C7orf78: variants seen among roughly 807,000 people sequenced by gnomAD.
C7orf78 encodes the protein chromosome 7 open reading frame 78.
the C7orf78 span, among the ~76,000 whole-genome samples, chr7:12,511,946 T>G: frequency 2.3e-5 from 3 of 131,600 alleles, no homozygotes; most frequent in African/African-American, 5.5e-5. Context: ...TTTTTTTTTT[T>G]TTGTATTTTC....
the C7orf78 span, among the ~76,000 whole-genome samples, chr7:12,535,942 T>C: frequency 2.6e-5 from 4 of 152,238 alleles, no homozygotes; most frequent in Non-Finnish European, 5.9e-5. Flanking sequence ...TCCACTCCTG[T>C]GGCTTTGCAG....
the C7orf78 span, among the ~76,000 whole-genome samples, chr7:12,527,641 G>C: frequency 1.2e-4 from 16 of 134,242 alleles, no homozygotes; most frequent in African/African-American, 4.7e-4. Context: ...AATTGAAATG[G>C]AACATGTCAG....
chr7:12,501,318 A>G, the C7orf78 span, among the ~76,000 whole-genome samples: 5 of 147,142 alleles, frequency 3.4e-5, no homozygotes, highest in Non-Finnish European at 7.5e-5. Context: ...ACATGATTGT[A>G]TATCTAGAAA....
At chr7:12,493,967 G>C in the C7orf78 span, among the ~76,000 whole-genome samples, 16 of 152,166 alleles carry the variant, frequency 1.1e-4, no homozygotes, top group Admixed American at 2.0e-4. Flanking sequence ...TAGTACTTGA[G>C]AAAAAGAGGT....
At chr7:12,505,652 CT>C in the C7orf78 span, among the ~76,000 whole-genome samples, 3 of 152,152 alleles carry the variant, frequency 2.0e-5, no homozygotes, top group Non-Finnish European at 4.4e-5. Context: ...GCAACATTTA[CT>C]ATTAAATCTT....
At chr7:12,494,145 G>A in the C7orf78 span, among the ~76,000 whole-genome samples, 5 of 152,158 alleles carry the variant, frequency 3.3e-5, no homozygotes, top group African/African-American at 2.4e-5. Flanking sequence ...GCATCTTAGG[G>A]TGGGAGTGGA....
chr7:12,496,801 T>A, the C7orf78 span, among the ~76,000 whole-genome samples: 2 of 152,170 alleles, frequency 1.3e-5, no homozygotes, highest in Non-Finnish European at 2.9e-5. Context: ...CAAAAAACAA[T>A]GAGGCATAAA....
At chr7:12,495,111 C>A in the C7orf78 span, among the ~76,000 whole-genome samples, 1 of 152,156 alleles carries the variant, frequency 6.6e-6, no homozygotes, top group African/African-American at 2.4e-5. Flanking sequence ...AAAATGTTCA[C>A]CCACCATGTG....
chr7:12,539,116 A>C, the C7orf78 span, among the ~76,000 whole-genome samples: 1 of 152,176 alleles, frequency 6.6e-6, no homozygotes, highest in African/African-American at 2.4e-5. Context: ...CAGAAATCAG[A>C]AATGGGTATT....
chr7:12,505,430 A>C, the C7orf78 span, among the ~76,000 whole-genome samples: 1 of 152,134 alleles, frequency 6.6e-6, no homozygotes, highest in Non-Finnish European at 1.5e-5. Flanking sequence ...GTTAAAATGA[A>C]GATTTGAACT....
the C7orf78 span, among the ~76,000 whole-genome samples, chr7:12,497,562 T>C: frequency 1.3e-5 from 2 of 152,300 alleles, no homozygotes; most frequent in East Asian, 3.9e-4. Flanking sequence ...GATTATACCC[T>C]GCACCCGGCT....
the C7orf78 span, among the ~76,000 whole-genome samples, chr7:12,518,542 A>G: frequency 1.3e-5 from 2 of 152,102 alleles, no homozygotes; most frequent in Non-Finnish European, 2.9e-5. Context: ...GAGCTCCTAG[A>G]TGGCACATGT....
At chr7:12,508,849 G>C in the C7orf78 span, among the ~76,000 whole-genome samples, 1 of 152,186 alleles carries the variant, frequency 6.6e-6, no homozygotes, top group African/African-American at 2.4e-5. Flanking sequence ...CTCCTTATGA[G>C]AATCAAATGC....
chr7:12,496,312 G>A, the C7orf78 span: 5 of 152,254 alleles, frequency 3.3e-5, no homozygotes, highest in African/African-American at 1.2e-4. Context: ...GGAGACTTTT[G>A]GATGGTTCTA....
the C7orf78 span, among the ~76,000 whole-genome samples, chr7:12,540,078 G>A: frequency 6.6e-6 from 1 of 152,186 alleles, no homozygotes; most frequent in Non-Finnish European, 1.5e-5. Context: ...ATGGAACATA[G>A]GAGTTTATAT....
the C7orf78 span, among the ~76,000 whole-genome samples, chr7:12,539,844 G>T: frequency 2.0e-5 from 3 of 152,180 alleles, no homozygotes; most frequent in African/African-American, 7.2e-5. Context: ...CTAGGGAGAG[G>T]CAAGGATGCA....
the C7orf78 span, among the ~76,000 whole-genome samples, chr7:12,536,780 G>A: frequency 6.6e-6 from 1 of 152,062 alleles, no homozygotes; most frequent in Non-Finnish European, 1.5e-5. Flanking sequence ...TCTCTCTCAA[G>A]TTCAAAGTTC....
chr7:12,517,897 T>G, the C7orf78 span, among the ~76,000 whole-genome samples: 1 of 152,202 alleles, frequency 6.6e-6, no homozygotes, highest in Admixed American at 6.5e-5. Flanking sequence ...ATTTTTTTGA[T>G]TGGGATCTGT....
the C7orf78 span, chr7:12,531,175 CAT>C: frequency 3.0e-5 from 12 of 396,366 alleles, no homozygotes; most frequent in African/African-American, 8.2e-5. Flanking sequence ...TTAAATAAAA[CAT>C]ATTTTATCAT....
Sources: gnomAD v4.1 joint callset for allele counts (sites outside exome capture counted in the v4.1 genomes callset) on GRCh38, gnomAD v4.1.1 for gene constraint, MANE v1.5 for transcripts, NCBI Gene and HGNC (gene_info 2026-07-23, HGNC 2026-07-21) for gene names.